CPNE8: variants seen among roughly 807,000 people sequenced by gnomAD.
CPNE8 encodes copine-8.
In CPNE8, 45 loss-of-function variants were observed where a neutral mutation model predicts 81.5. That is an observed-to-expected ratio of 0.55 (90% CI 0.44 to 0.71). The LOEUF is 0.71. CPNE8 is among the 30% of genes least tolerant of loss of function. The probability of loss-of-function intolerance (pLI) is 0.00; values close to 1 mark genes in which losing one functional copy is unlikely to be tolerated. For synonymous variants in CPNE8, 252 were observed against 226.3 expected (o/e 1.11, Z -1.02); for missense variants, 594 against 672.1 (o/e 0.88, Z 1.28).
At chr12:38,795,287 C>T in intron 6 of CPNE8, among the ~76,000 whole-genome samples, 1 of 152,040 alleles carries the variant, frequency 6.6e-6, no homozygotes, top group East Asian at 1.9e-4. Context: ...TAGTTCTGTC[C>T]CTCTAGAGAA....
chr12:38,767,166 A>G (rs930793825), intron 8 of CPNE8, among the ~76,000 whole-genome samples: 2 of 152,116 alleles, frequency 1.3e-5, no homozygotes, highest in African/African-American at 4.8e-5. Flanking sequence ...CAAAATTTAT[A>G]GAAACTAGTC....
At chr12:38,839,147 C>A (rs1943428963) in intron 5 of CPNE8, among the ~76,000 whole-genome samples, 1 of 152,082 alleles carries the variant, frequency 6.6e-6, no homozygotes. Context: ...CTGTTTTCAC[C>A]CTCATTCAGC....
intron 6 of CPNE8, among the ~76,000 whole-genome samples, chr12:38,796,698 G>C (rs1007662704): frequency 6.6e-6 from 1 of 152,108 alleles, no homozygotes; most frequent in Non-Finnish European, 1.5e-5. Context: ...GTGGGCGCAG[G>C]ACAGTGGGTG....
chr12:38,742,116 C>T (rs561650720), intron 10 of CPNE8, among the ~76,000 whole-genome samples: 11 of 152,062 alleles, frequency 7.2e-5, no homozygotes, highest in African/African-American at 1.2e-4. Flanking sequence ...ATCAGTGTGG[C>T]GATTCCTTAG....
At chr12:38,816,019 T>C (rs1471482877) in intron 6 of CPNE8, among the ~76,000 whole-genome samples, 1 of 152,190 alleles carries the variant, frequency 6.6e-6, no homozygotes, top group Non-Finnish European at 1.5e-5. Flanking sequence ...CTTAGGTCTA[T>C]CTATCTATCC....
chr12:38,738,490 AT>A (rs1177313274), intron 10 of CPNE8, among the ~76,000 whole-genome samples: 3 of 152,138 alleles, frequency 2.0e-5, no homozygotes, highest in Non-Finnish European at 2.9e-5. Flanking sequence ...ACAAATTTTG[AT>A]TTTATTTTGT....
intron 14 of CPNE8, among the ~76,000 whole-genome samples, chr12:38,699,548 CT>C (rs1479298561): frequency 2.0e-5 from 3 of 152,120 alleles, no homozygotes; most frequent in Non-Finnish European, 2.9e-5. Flanking sequence ...TTTCTTCTCT[CT>C]TTTTCCCCTA....
In CPNE8 at chr12:38,702,802, A is replaced by G. The variant is rs1939979740; in HGVS notation, c.961+73T>C. Reference sequence around the variant, plus strand: ...TATGTAAATATAGAAATAAATTAACACTTATGAAAATATAAATTTATTTTT... The same window carrying G: ...TATGTAAATATAGAAATAAATTAACGCTTATGAAAATATAAATTTATTTTT... On this transcript the variant is annotated intron_variant, in intron 14 of 19. Coordinates refer to ENST00000331366, the MANE Select transcript of CPNE8 (RefSeq NM_153634.3). The G allele has an allele frequency of 3.4e-6, 3 of 882,478 alleles. No individual in the cohort carries two copies. The South Asian group carries it at 5.9e-5, about 17-fold the overall frequency. 54.7% of individuals were successfully genotyped at this position (882,478 alleles called of 1,614,324 possible). A position where few individuals can be genotyped will look rare whatever the true frequency, so the allele number is the denominator to read the frequency against.
intron 6 of CPNE8, among the ~76,000 whole-genome samples, chr12:38,811,154 G>A (rs186509414): frequency 6.6e-6 from 1 of 151,650 alleles, no homozygotes; most frequent in Non-Finnish European, 1.5e-5. Context: ...GCACATACCC[G>A]TAATCTCACA....
chr12:38,815,849 C>G (rs1943015152), intron 6 of CPNE8, among the ~76,000 whole-genome samples: 1 of 152,128 alleles, frequency 6.6e-6, no homozygotes, highest in Admixed American at 6.6e-5. Flanking sequence ...TTATGTAATA[C>G]ATAGATTTTT....
chr12:38,661,276 C>T (rs1591994838), intron 19 of CPNE8, among the ~76,000 whole-genome samples: 1 of 152,092 alleles, frequency 6.6e-6, no homozygotes, highest in Admixed American at 6.6e-5. Flanking sequence ...TACTATGCAA[C>T]CATAAAAAAG....
chr12:38,790,949 G>A (rs1401732884), intron 6 of CPNE8, among the ~76,000 whole-genome samples: 1 of 151,498 alleles, frequency 6.6e-6, no homozygotes, highest in Admixed American at 6.6e-5. Flanking sequence ...GCTTTAGCTT[G>A]TACCTTTATA....
At chr12:38,796,837 C>T (rs1010025150) in intron 6 of CPNE8, among the ~76,000 whole-genome samples, 14 of 152,102 alleles carry the variant, frequency 9.2e-5, no homozygotes, top group Non-Finnish European at 1.3e-4. Flanking sequence ...CGGGTCACTC[C>T]CACCCTAATA....
chr12:38,666,919 A>G (rs1591997867), intron 19 of CPNE8, among the ~76,000 whole-genome samples: 1 of 152,346 alleles, frequency 6.6e-6, no homozygotes, highest in Middle Eastern at 3.4e-3. Flanking sequence ...TACCTGTCAC[A>G]TAAAGTTAAT....
chr12:38,887,437 C>A (rs1406547036), intron 1 of CPNE8, among the ~76,000 whole-genome samples: 1 of 152,050 alleles, frequency 6.6e-6, no homozygotes. Flanking sequence ...TAAATAAATG[C>A]ACAAAGAGAT....
At chr12:38,881,084 C>T (rs747491435) in intron 1 of CPNE8, among the ~76,000 whole-genome samples, 12 of 151,968 alleles carry the variant, frequency 7.9e-5, no homozygotes, top group Non-Finnish European at 1.8e-4. Flanking sequence ...GTGGCGGGCG[C>T]CTTCATTCCC....
At chr12:38,736,559 CATA>C (rs1940959109) in intron 10 of CPNE8, among the ~76,000 whole-genome samples, 1 of 151,704 alleles carries the variant, frequency 6.6e-6, no homozygotes, top group African/African-American at 2.4e-5. Flanking sequence ...TAAGTATATT[CATA>C]ATGTTAGATC....
chr12:38,896,576 C>T (rs755515195), intron 1 of CPNE8, among the ~76,000 whole-genome samples: 4 of 152,074 alleles, frequency 2.6e-5, no homozygotes, highest in Non-Finnish European at 5.9e-5. Context: ...CTTTATTGAG[C>T]AGATACAAGA....
intron 4 of CPNE8, 139 bp downstream of exon 4, chr12:38,848,420 G>A: frequency 7.5e-7 from 1 of 1,339,852 alleles, no homozygotes; most frequent in Non-Finnish European, 9.7e-7. Context: ...GGCTTGCTTG[G>A]GCCACACTCT....
Sources: allele counts gnomAD v4.1 joint callset (sites outside exome capture counted in the v4.1 genomes callset), GRCh38; gene constraint gnomAD v4.1.1; transcripts MANE v1.5; gene names NCBI Gene and HGNC (gene_info 2026-07-23, HGNC 2026-07-21).